Variants in FBLN1 observed in about 807,000 individuals in gnomAD.
The protein encoded by FBLN1 is fibulin-1.
Under a neutral mutation model 89.7 loss-of-function variants are expected in FBLN1, and 34 were observed. The observed-to-expected ratio is 0.38, with a 90% CI of 0.29 to 0.50. The LOEUF (loss-of-function observed/expected upper bound fraction) is 0.50, where lower values mean the gene tolerates loss of function less well. Among genes scored for constraint, FBLN1 ranks in the 20% least tolerant of loss-of-function variants. FBLN1 has a pLI of 0.92. For synonymous variants in FBLN1, 393 were observed against 391.3 expected (o/e 1.00, Z -0.05); for missense variants, 777 against 988.1 (o/e 0.79, Z 2.86).
At chr22:45,591,566 AC>A (rs1486338909) in intron 16 of FBLN1, among the ~76,000 whole-genome samples, 3 of 152,094 alleles carry the variant, frequency 2.0e-5, no homozygotes, top group African/African-American at 4.8e-5. Flanking sequence ...AGACATGTTG[AC>A]TGACACTTAG....
In FBLN1 at chr22:45,546,953, G is replaced by A. The variant is rs2088637004; in HGVS notation, c.1322-132G>A. The A allele has an allele frequency of 1.3e-5, 18 of 1,427,228 alleles. 1 individual carries two copies. The South Asian group carries it at 1.9e-4, about 15-fold the overall frequency. 88.4% of individuals were successfully genotyped at this position (1,427,228 alleles called of 1,614,324 possible). ...GCCTCTCCCTCGGCCACACCCCCCGGGACCTCTGTCTCTCCGAGTGTGTTA... is the reference window on the plus strand; with the variant it reads ...GCCTCTCCCTCGGCCACACCCCCCGAGACCTCTGTCTCTCCGAGTGTGTTA... On this transcript the variant is annotated intron_variant, in intron 11 of 16. Coordinates refer to ENST00000327858, the MANE Select transcript of FBLN1 (RefSeq NM_006486.3).
At position 45,537,408 on chromosome 22, in the gene FBLN1, C is replaced by T. The variant is rs1046579864; in HGVS notation, c.922+2071C>T. On this transcript the variant is annotated intron_variant, in intron 8 of 16. Transcript: ENST00000327858. This position sits in a 1 kb window ranked among gnomAD's most constrained non-coding sequence, Gnocchi z 5.7. Reference sequence around the variant, plus strand: ...CCAAGGCGGGTGGATCACTTGAGGTCAGGAGTTCGAGACCAGCCTGACCAA... The same window carrying T: ...CCAAGGCGGGTGGATCACTTGAGGTTAGGAGTTCGAGACCAGCCTGACCAA... Among the ~76,000 whole-genome samples the T allele has an allele frequency of 3.3e-5, 5 of 152,092 alleles. No individual in the cohort carries two copies. The highest frequency in any genetic ancestry group is 1.2e-4 in the African/African-American group (5 of 41,408).
At chr22:45,518,597 G>A (rs777530072) in intron 1 of FBLN1, 85 bp from the exon 2 acceptor site, 103 of 950,260 alleles carry the variant, frequency 1.1e-4, no homozygotes, top group Non-Finnish European at 1.5e-4. Flanking sequence ...ACAGAAGGAC[G>A]TGCGTGTCCT....
At chr22:45,589,266 C>T (rs1421561398) in intron 16 of FBLN1, among the ~76,000 whole-genome samples, 4 of 152,066 alleles carry the variant, frequency 2.6e-5, no homozygotes, top group African/African-American at 9.7e-5. Context: ...TAAGAATGCA[C>T]ACATCATGCT....
At chr22:45,522,072 G>A (rs1354979153) in intron 2 of FBLN1, among the ~76,000 whole-genome samples, 6 of 151,784 alleles carry the variant, frequency 4.0e-5, no homozygotes, top group South Asian at 2.1e-4. Flanking sequence ...TGCAACCTCC[G>A]CTTCCTGGGT....
intron 11 of FBLN1, among the ~76,000 whole-genome samples, chr22:45,543,836 C>T (rs1476925161): frequency 2.0e-5 from 3 of 152,190 alleles, no homozygotes; most frequent in African/African-American, 7.2e-5. Context: ...CTTGGTTATG[C>T]CCGACCTCTC....
rs543257283 is a variant in FBLN1 at position 45,550,044 on chromosome 22, T to C, written c.1574-448T>C. ...CCACAGAGAGGCTCTGGTTAGTTAG[T>C]GTATGGACTCTGATGCCAGCCTGCC... On this transcript the variant is annotated intron_variant, in intron 13 of 16. Coordinates refer to ENST00000327858, the MANE Select transcript of FBLN1 (RefSeq NM_006486.3). The surrounding 1 kb of genome is among the most constrained non-coding windows in gnomAD (Gnocchi z 8.4). Among the ~76,000 whole-genome samples the C allele has an allele frequency of 6.6e-6, 1 of 152,160 alleles. No individual in the cohort carries two copies. The highest frequency in any genetic ancestry group is 2.4e-5 in the African/African-American group (1 of 41,508).
rs1460568858 is a variant in FBLN1 at position 45,563,841 on chromosome 22, C to CTCCTCTTCTGT, written c.1698-10668_1698-10658dup. On this transcript the variant is annotated intron_variant, in intron 14 of 16. Transcript: ENST00000327858. This position sits in a 1 kb window ranked among gnomAD's most constrained non-coding sequence, Gnocchi z 5.7. ...GAAAGCTCTCTCCTGAGATTCAAGC[C>CTCCTCTTCTGT]TCCTCTTCTGTTTGTCTTGATCAGA... Among the ~76,000 whole-genome samples the CTCCTCTTCTGT allele has an allele frequency of 6.6e-6, 1 of 152,198 alleles. No individual in the cohort carries two copies. Among genetic ancestry groups the CTCCTCTTCTGT allele is most frequent in the African/African-American group, 2.4e-5 (1 of 41,454 alleles).
At position 45,550,463 on chromosome 22, in the gene FBLN1, T is replaced by C; in HGVS notation, c.1574-29T>C. 6.2e-7 allele frequency: 1 copy of C among 1,613,684 alleles called. No individual in the cohort carries two copies. The highest frequency in any genetic ancestry group is 1.1e-5 in the South Asian group (1 of 91,088). On this transcript the variant is annotated intron_variant, in intron 13 of 16. Transcript: ENST00000327858. This position sits in a 1 kb window ranked among gnomAD's most constrained non-coding sequence, Gnocchi z 8.4. ...GGTATGGCTCCTGCAGCCTCTGCCTTCACTGTGCTGCTGTGGGGTCTCTTG... is the reference window on the plus strand; with the variant it reads ...GGTATGGCTCCTGCAGCCTCTGCCTCCACTGTGCTGCTGTGGGGTCTCTTG...
chr22:45,570,339 AGAAAAG>A (rs1569260976), intron 14 of FBLN1, among the ~76,000 whole-genome samples: 8 of 78,190 alleles, frequency 1.0e-4, no homozygotes, highest in African/African-American at 1.7e-4. Context: ...AAAAAAAAAA[AGAAAAG>A]AAAAGAAAAG....
In FBLN1 at chr22:45,583,176, C is replaced by T. The variant is rs2089056849; in HGVS notation, c.1972+6068C>T. ...TCCCACAGCCAGCAAGTTGGAGCTGCACTGCCCAAGCAGGTCCTTTAGTCA... is the reference window on the plus strand; with the variant it reads ...TCCCACAGCCAGCAAGTTGGAGCTGTACTGCCCAAGCAGGTCCTTTAGTCA... On this transcript the variant is annotated intron_variant, in intron 16 of 16. Transcript: ENST00000327858. This position sits in a 1 kb window ranked among gnomAD's most constrained non-coding sequence, Gnocchi z 4.5. Among the ~76,000 whole-genome samples the T allele has an allele frequency of 6.6e-6, 1 of 152,210 alleles. No individual in the cohort carries two copies. Among genetic ancestry groups the T allele is most frequent in the South Asian group, 2.1e-4 (1 of 4,834 alleles).
At chr22:45,560,770 A>T (rs892946655) in intron 14 of FBLN1, among the ~76,000 whole-genome samples, 1 of 152,100 alleles carries the variant, frequency 6.6e-6, no homozygotes, top group South Asian at 2.1e-4. Flanking sequence ...TCACTTCCTC[A>T]TGGGTCACAC....
rs561472364 is a variant in FBLN1 at position 45,580,535 on chromosome 22, C to T, written c.1972+3427C>T. ...TCATCATCGCCAGGACCCTGTGACA[C>T]GGTGGGATTATCTCCTCTAACAAAG... is the stretch of plus-strand genomic sequence containing the variant. On this transcript the variant is annotated intron_variant, in intron 16 of 16. Transcript: ENST00000327858. The surrounding 1 kb of genome is among the most constrained non-coding windows in gnomAD (Gnocchi z 8.6). Among the ~76,000 whole-genome samples the T allele has an allele frequency of 1.5e-4, 23 of 152,298 alleles. No individual in the cohort carries two copies. The highest frequency in any genetic ancestry group is 2.4e-4 in the Non-Finnish European group (16 of 68,032).
At chr22:45,566,800 A>T (rs1185638330) in intron 14 of FBLN1, among the ~76,000 whole-genome samples, 1 of 152,210 alleles carries the variant, frequency 6.6e-6, no homozygotes, top group Non-Finnish European at 1.5e-5. Flanking sequence ...ATCACTTTTG[A>T]TTCAGAACCT....
chr22:45,540,797 G>A (rs545601220), intron 8 of FBLN1, among the ~76,000 whole-genome samples: 2 of 152,230 alleles, frequency 1.3e-5, no homozygotes, highest in African/African-American at 4.8e-5. Context: ...GGCACCTCCC[G>A]GGTGGGCCTG....
At chr22:45,525,083 AAG>A (rs1307943667) in intron 2 of FBLN1, among the ~76,000 whole-genome samples, 1 of 148,784 alleles carries the variant, frequency 6.7e-6, no homozygotes, top group Non-Finnish European at 1.5e-5. Context: ...GAAAGAAAGA[AAG>A]AGAGAAAGAG....
Position 45,586,352 on chromosome 22 carries a change from G to GGACT in FBLN1, c.1972+9246_1972+9249dup, listed in dbSNP as rs2089085768. Among the ~76,000 whole-genome samples, 9 of 152,202 alleles carry GGACT rather than the reference G, an allele frequency of 5.9e-5. No individual in the cohort carries two copies. In the South Asian group the frequency reaches 1.9e-3, roughly 31 times the overall value. On this transcript the variant is annotated intron_variant, in intron 16 of 16. Transcript: ENST00000327858. ...GAGGAGACAGCATGGTGGGGAGAGG[G>GGACT]GACTGTCTTGCCCTGCTGAACCCCC...
chr22:45,522,982 T>G, intron 2 of FBLN1: 2 of 541,614 alleles, frequency 3.7e-6, no homozygotes, highest in South Asian at 2.9e-5. Flanking sequence ...GGATGCAGAA[T>G]GCAAAGAAAG....
intron 1 of FBLN1, among the ~76,000 whole-genome samples, chr22:45,512,104 G>C (rs2088109676): frequency 6.6e-6 from 1 of 151,696 alleles, no homozygotes; most frequent in South Asian, 2.1e-4. Context: ...GTTCTGCTTG[G>C]GTGGGTGTCC....
Sources: allele counts gnomAD v4.1 joint callset (sites outside exome capture counted in the v4.1 genomes callset), GRCh38; gene constraint gnomAD v4.1.1; non-coding constraint Gnocchi (gnomAD v3.1); transcripts MANE v1.5; gene names NCBI Gene and HGNC (gene_info 2026-07-23, HGNC 2026-07-21).